The following ZFR variants were observed in gnomAD, a reference collection of about 807,000 sequenced individuals.
ZFR encodes the protein zinc finger RNA-binding protein.
ZFR carries 19 observed loss-of-function variants against 130.7 expected under a neutral mutation model. The observed-to-expected ratio is 0.15, with a 90% CI of 0.10 to 0.21. The LOEUF is 0.21. ZFR is among the 10% of genes least tolerant of loss of function. The probability of loss-of-function intolerance (pLI) is 1.00; values close to 1 mark genes in which losing one functional copy is unlikely to be tolerated. For missense variants in ZFR, 872 were observed against 1,321.5 expected (o/e 0.66, Z 5.27); for synonymous variants, 466 against 456.9 (o/e 1.02, Z -0.25).
rs1326041688 is a variant in ZFR, at chr5:32,415,515, T to TGTGC, written c.566-329_566-328insGCAC. On this transcript the variant is annotated intron_variant, in intron 4 of 19. Transcript: ENST00000265069. ...GTGTGTGTGTGTGTGTGTGTGTGTG[T>TGTGC]GCGCGCGCGCGCGCGCGCACTAGTC... 7.3e-3 allele frequency among the ~76,000 whole-genome samples: 712 copies of TGTGC among 97,978 alleles called. 5 individuals are homozygous for TGTGC. Among genetic ancestry groups the TGTGC allele is most frequent in the Non-Finnish European group, 0.011 (529 of 49,244 alleles). The allele number at this position is 97,978 out of a possible 152,430, so 64.3% of individuals were successfully genotyped here.
intron 17 of ZFR, among the ~76,000 whole-genome samples, chr5:32,365,382 A>C (rs925353891): frequency 2.3e-4 from 35 of 152,176 alleles, no homozygotes; most frequent in African/African-American, 7.7e-4. Context: ...TTACATTTTA[A>C]GAGATGAGAA....
At chr5:32,377,040 C>T (rs1752830500) in intron 17 of ZFR, among the ~76,000 whole-genome samples, 1 of 150,152 alleles carries the variant, frequency 6.7e-6, no homozygotes, top group Non-Finnish European at 1.5e-5. Context: ...GCCTGTAGTC[C>T]CAGCTACTCG....
intron 3 of ZFR, 31 bp from the exon 4 acceptor site, chr5:32,417,823 T>A: frequency 6.2e-7 from 1 of 1,606,670 alleles, no homozygotes; most frequent in Non-Finnish European, 8.5e-7. Context: ...AAAATCTTGC[T>A]ATGAGACAAG....
At chr5:32,400,310 CCTAA>C (rs1169533573) in intron 8 of ZFR, 107 bp from the exon 9 acceptor site, 2 of 780,468 alleles carry the variant, frequency 2.6e-6, no homozygotes, top group Non-Finnish European at 3.7e-6. Context: ...TAGTCAAACT[CCTAA>C]CTGACATACA....
chr5:32,359,515 G>A (rs1435189490), intron 19 of ZFR, among the ~76,000 whole-genome samples: 1 of 152,180 alleles, frequency 6.6e-6, no homozygotes, highest in African/African-American at 2.4e-5. Flanking sequence ...TCTTAAAAAT[G>A]TACTGATACT....
chr5:32,417,145 A>C (rs573659196), intron 4 of ZFR, among the ~76,000 whole-genome samples: 1 of 148,388 alleles, frequency 6.7e-6, no homozygotes, highest in South Asian at 2.1e-4. Context: ...TCCATCTTTT[A>C]AAGTCTGTAA....
intron 17 of ZFR, among the ~76,000 whole-genome samples, chr5:32,368,900 T>C (rs1377558413): frequency 2.9e-4 from 44 of 152,342 alleles, no homozygotes; most frequent in Non-Finnish European, 1.9e-4. Flanking sequence ...ACCACAACAA[T>C]GGGCAATTGT....
intron 2 of ZFR, among the ~76,000 whole-genome samples, chr5:32,430,722 A>G (rs1463828806): frequency 6.6e-6 from 1 of 152,208 alleles, no homozygotes. Flanking sequence ...TACAGAGATT[A>G]AGTGATGACT....
At chr5:32,419,510 G>A (rs1051033837) in intron 3 of ZFR, among the ~76,000 whole-genome samples, 8 of 152,098 alleles carry the variant, frequency 5.3e-5, no homozygotes, top group Non-Finnish European at 8.8e-5. Flanking sequence ...GCTAATTTTT[G>A]TATTTTTAGC....
chr5:32,419,029 T>C (rs1753894816), intron 3 of ZFR, among the ~76,000 whole-genome samples: 1 of 152,188 alleles, frequency 6.6e-6, no homozygotes, highest in Non-Finnish European at 1.5e-5. Flanking sequence ...ACAGGATAAA[T>C]GTAAAGGGGA....
intron 13 of ZFR, 117 bp from the exon 14 acceptor site, chr5:32,387,816 G>A: frequency 4.2e-6 from 4 of 957,642 alleles, no homozygotes; most frequent in South Asian, 2.6e-5. Flanking sequence ...TCCATCAACC[G>A]CAGTAGAAAG....
chr5:32,402,504 G>A (rs542987769), intron 8 of ZFR, among the ~76,000 whole-genome samples: 2 of 151,970 alleles, frequency 1.3e-5, no homozygotes, highest in African/African-American at 4.8e-5. Flanking sequence ...TGTGGTGCAT[G>A]CTTATAACCC....
At chr5:32,423,646 CA>C (rs1183827339) in intron 2 of ZFR, among the ~76,000 whole-genome samples, 1 of 151,874 alleles carries the variant, frequency 6.6e-6, no homozygotes, top group Non-Finnish European at 1.5e-5. Flanking sequence ...GAAAAAAGAT[CA>C]AAAAAATTAA....
At chr5:32,380,817 T>G (rs1752920126) in intron 15 of ZFR, among the ~76,000 whole-genome samples, 2 of 151,760 alleles carry the variant, frequency 1.3e-5, no homozygotes, top group Admixed American at 6.6e-5. Context: ...CCAGGCTAAT[T>G]TTTTGTATTT....
At position 32,387,634 on chromosome 5, in the gene ZFR, T is replaced by C; in HGVS notation, c.2414A>G (p.Asn805Ser). ...AKGLLLRGDR[N>S]VNLVLLCSEK... Reference sequence around the variant, plus strand: ...TGAGCACAGCAAAACAAGGTTGACATTTCTATCTCCTCGGAGAAGTAATCC... The same window carrying C: ...TGAGCACAGCAAAACAAGGTTGACACTTCTATCTCCTCGGAGAAGTAATCC... Residue 805 changes from asparagine to serine, a missense_variant, in exon 14 of 20, where the codon AAT becomes AGT. Physicochemically the swap from Asn to Ser is conservative, Grantham distance 46. Around this residue, in one of 7 missense-constraint regions of ZFR, gnomAD observed 225 missense variants for 282.4 expected, o/e 0.80. Coordinates refer to ENST00000265069, the MANE Select transcript of ZFR (RefSeq NM_016107.5). 1 of 1,613,732 alleles carries C rather than the reference T, an allele frequency of 6.2e-7. No homozygotes were observed. The highest frequency in any genetic ancestry group is 1.3e-5 in the African/African-American group (1 of 75,048).
chr5:32,360,159 C>T (rs1752401216), intron 19 of ZFR, among the ~76,000 whole-genome samples: 1 of 152,156 alleles, frequency 6.6e-6, no homozygotes, highest in Admixed American at 6.5e-5. Context: ...GGAAATTTTA[C>T]AGTCACTTGA....
chr5:32,377,244 T>C (rs1752843268), intron 17 of ZFR, among the ~76,000 whole-genome samples: 1 of 151,586 alleles, frequency 6.6e-6, no homozygotes, highest in Non-Finnish European at 1.5e-5. Context: ...CCTCTCTCTC[T>C]TTCTTTCGAG....
At chr5:32,439,530 AGAT>A (rs1458138271) in intron 2 of ZFR, among the ~76,000 whole-genome samples, 1 of 152,260 alleles carries the variant, frequency 6.6e-6, no homozygotes, top group Non-Finnish European at 1.5e-5. Context: ...CAAAATCATT[AGAT>A]GAGATGCCTT....
intron 12 of ZFR, 63 bp downstream of exon 12, chr5:32,390,212 G>T (rs1399702148): frequency 1.3e-6 from 2 of 1,545,350 alleles, no homozygotes; most frequent in South Asian, 2.4e-5. Flanking sequence ...CTCCAAAATT[G>T]TTTTCTTCTA....
Sources: allele counts gnomAD v4.1 joint callset (sites outside exome capture counted in the v4.1 genomes callset), GRCh38; gene constraint gnomAD v4.1.1; regional missense constraint gnomAD v4.1.1; transcripts MANE v1.5; gene names NCBI Gene and HGNC (gene_info 2026-07-23, HGNC 2026-07-21).